Variants in ADAMTSL1 observed in about 807,000 individuals in gnomAD.
The protein encoded by ADAMTSL1 is ADAMTS like 1.
ADAMTSL1 carries 126 observed loss-of-function variants against 201.8 expected under a neutral mutation model. The ratio of observed to expected loss-of-function variants is 0.62; its 90% CI spans 0.54 to 0.72. The LOEUF (loss-of-function observed/expected upper bound fraction) is 0.72. Among genes scored for constraint, ADAMTSL1 ranks in the 30% least tolerant of loss-of-function variants. The pLI, the probability that ADAMTSL1 is intolerant of heterozygous loss-of-function variation, is 0.00. For missense variants in ADAMTSL1, 2,679 were observed against 2,277.8 expected, an observed-to-expected ratio of 1.18 and a Z score of -3.59; for synonymous variants, 1,121 against 903.4, an observed-to-expected ratio of 1.24 and a Z score of -4.32.
chr9:17,966,986 G>GT (rs1351171723), intron 1 of ADAMTSL1, among the ~76,000 whole-genome samples: 2 of 152,066 alleles, frequency 1.3e-5, no homozygotes, highest in African/African-American at 4.8e-5. Flanking sequence ...AGGCATTTGG[G>GT]TTACAGTCCA....
intron 15 of ADAMTSL1, among the ~76,000 whole-genome samples, chr9:18,732,125 C>G (rs1260668799): frequency 3.3e-5 from 5 of 152,160 alleles, no homozygotes; most frequent in African/African-American, 1.2e-4. Flanking sequence ...AGAGCAGGCA[C>G]TGATATAAAT....
At chr9:18,635,367 T>C (rs1425220931) in intron 5 of ADAMTSL1, among the ~76,000 whole-genome samples, 1 of 152,126 alleles carries the variant, frequency 6.6e-6, no homozygotes, top group Admixed American at 6.5e-5. Flanking sequence ...AATTTTAAAA[T>C]AGAGTATAGT....
chr9:18,600,231 T>A (rs1254148851), intron 4 of ADAMTSL1, among the ~76,000 whole-genome samples: 1 of 152,150 alleles, frequency 6.6e-6, no homozygotes, highest in Non-Finnish European at 1.5e-5. Context: ...ACTATTGTTA[T>A]CATGATGGTA....
At position 18,322,355 on chromosome 9, in the gene ADAMTSL1, A is replaced by G. The variant is rs201944606; in HGVS notation, c.207+158374A>G. On this transcript the variant is annotated intron_variant, in intron 2 of 29. Transcript: ENST00000680146. ...ATTTTGTTAAACCATTAGCAGTACC[A>G]GGTGTGGTGGCTTACACCTGTAATC... is the stretch of plus-strand genomic sequence containing the variant. 1.1e-4 allele frequency among the ~76,000 whole-genome samples: 17 copies of G among 152,324 alleles called. No individual in the cohort carries two copies. The East Asian group carries it at 2.7e-3, about 24-fold the overall frequency.
intron 15 of ADAMTSL1, among the ~76,000 whole-genome samples, chr9:18,747,901 A>G (rs2133583804): frequency 6.6e-6 from 1 of 152,316 alleles, no homozygotes. Flanking sequence ...AGCCAAGCTG[A>G]AAGCTTAAAA....
At chr9:18,342,391 G>A (rs1835501878) in intron 2 of ADAMTSL1, among the ~76,000 whole-genome samples, 1 of 152,050 alleles carries the variant, frequency 6.6e-6, no homozygotes, top group South Asian at 2.1e-4. Flanking sequence ...CATCTCAAGT[G>A]GTAAGAAGCA....
chr9:18,706,607 C>A, intron 13 of ADAMTSL1, 140 bp from the exon 14 acceptor site: 1 of 813,000 alleles, frequency 1.2e-6, no homozygotes, highest in Non-Finnish European at 1.9e-6. Flanking sequence ...AGCGCCATCA[C>A]AGGACAGGGT....
chr9:18,604,491 C>CT (rs1428666481), intron 4 of ADAMTSL1, among the ~76,000 whole-genome samples: 4 of 152,146 alleles, frequency 2.6e-5, no homozygotes, highest in East Asian at 1.9e-4. Context: ...TTTGGGGTGC[C>CT]TAGTATAATG....
chr9:18,471,090 T>C (rs1821191119), upstream of ADAMTSL1, among the ~76,000 whole-genome samples: 1 of 152,204 alleles, frequency 6.6e-6, no homozygotes, highest in South Asian at 2.1e-4. Context: ...TCCTAGGTGC[T>C]GAAAACGTTT....
chr9:17,917,132 CTGTAGTTGT>C (rs1183999120), intron 1 of ADAMTSL1, among the ~76,000 whole-genome samples: 5 of 152,008 alleles, frequency 3.3e-5, no homozygotes, highest in African/African-American at 4.8e-5. Context: ...AACTCATTAG[CTGTAGTTGT>C]TGTGTGCAAC....
chr9:18,114,561 A>G (rs1324472942), intron 1 of ADAMTSL1, among the ~76,000 whole-genome samples: 2 of 152,132 alleles, frequency 1.3e-5, no homozygotes, highest in Non-Finnish European at 2.9e-5. Context: ...TCCCCCATAA[A>G]GACTGTTCTC....
intron 2 of ADAMTSL1, among the ~76,000 whole-genome samples, chr9:18,276,173 C>T: frequency 6.6e-6 from 1 of 151,932 alleles, no homozygotes. Flanking sequence ...ACCTATCACC[C>T]CTGCCCCTTT....
At chr9:18,272,727 T>C (rs1233597547) in intron 2 of ADAMTSL1, among the ~76,000 whole-genome samples, 5 of 152,210 alleles carry the variant, frequency 3.3e-5, no homozygotes, top group Admixed American at 1.3e-4. Context: ...TCCTAGACAT[T>C]GTGTTCACCC....
chr9:18,797,885 C>T (rs1822532094), intron 20 of ADAMTSL1, among the ~76,000 whole-genome samples: 1 of 152,138 alleles, frequency 6.6e-6, no homozygotes, highest in African/African-American at 2.4e-5. Flanking sequence ...AACCTGAAAA[C>T]AATTCTAAAA....
intron 2 of ADAMTSL1, among the ~76,000 whole-genome samples, chr9:18,401,918 A>C (rs970016137): frequency 1.6e-4 from 25 of 152,330 alleles, no homozygotes; most frequent in African/African-American, 6.0e-4. Flanking sequence ...CATTTCTAGC[A>C]CAAGTAAATA....
chr9:17,922,316 G>A (rs372498176), intron 1 of ADAMTSL1, among the ~76,000 whole-genome samples: 9 of 152,194 alleles, frequency 5.9e-5, no homozygotes, highest in African/African-American at 2.2e-4. Flanking sequence ...GGCGTCTTAA[G>A]GACTCTTTAG....
chr9:18,254,823 G>C (rs931326942), intron 2 of ADAMTSL1, among the ~76,000 whole-genome samples: 1 of 152,010 alleles, frequency 6.6e-6, no homozygotes, highest in South Asian at 2.1e-4. Context: ...AATTTTGTCG[G>C]CTTTGCTAAT....
rs1384860090 is a variant in ADAMTSL1 at position 18,828,696 on chromosome 9, A to ATATATATATATATT, written c.4115-1147_4115-1146insTATATATATATATT. On this transcript the variant is annotated intron_variant, in intron 22 of 28. Transcript: ENST00000380548. ...TATATATATATATATATATATATAA[A>ATATATATATATATT]ATGTGTGTGTGTGTATATATATATA... Among the ~76,000 whole-genome samples, 574 of 90,964 alleles carry ATATATATATATATT rather than the reference A, an allele frequency of 6.3e-3. 20 individuals carry two copies. Among genetic ancestry groups the ATATATATATATATT allele is most frequent in the South Asian group, 0.013 (33 of 2,560 alleles). The allele number at this position is 90,964 out of a possible 152,430, so 59.7% of individuals were successfully genotyped here. A position where few individuals can be genotyped will look rare whatever the true frequency, so the allele number is the denominator to read the frequency against.
intron 4 of ADAMTSL1, among the ~76,000 whole-genome samples, chr9:18,609,737 A>G (rs975539758): frequency 2.6e-5 from 4 of 152,184 alleles, no homozygotes; most frequent in Admixed American, 2.6e-4. Context: ...TAATCAACAC[A>G]CAGGGTCTGA....
Sources: gnomAD v4.1 joint callset for allele counts (sites outside exome capture counted in the v4.1 genomes callset) on GRCh38, gnomAD v4.1.1 for gene constraint, MANE v1.5 for transcripts, NCBI Gene and HGNC (gene_info 2026-07-23, HGNC 2026-07-21) for gene names.